TNS1: variants seen among roughly 807,000 people sequenced by gnomAD.
TNS1 encodes the protein tensin-1.
Under a neutral mutation model 168.6 loss-of-function variants are expected in TNS1, and 62 were observed. The ratio of observed to expected loss-of-function variants is 0.37; its 90% CI spans 0.30 to 0.45. TNS1 has a LOEUF of 0.45. Among genes scored for constraint, TNS1 ranks in the 20% least tolerant of loss-of-function variants. TNS1 has a pLI of 1.00. For synonymous variants in TNS1, 934 were observed against 933.2 expected (o/e 1.00, Z -0.02); for missense variants, 2,240 against 2,339.4 (o/e 0.96, Z 0.88).
intron 3 of TNS1, among the ~76,000 whole-genome samples, chr2:217,946,969 T>TCTCTCTCACACA (rs1553618866): frequency 1.7e-5 from 2 of 118,812 alleles, no homozygotes; most frequent in African/African-American, 8.2e-5. Context: ...TCTCTCTCTC[T>TCTCTCTCACACA]CACACACACA....
intron 22 of TNS1, among the ~76,000 whole-genome samples, chr2:217,824,053 A>C (rs1442841444): frequency 1.3e-5 from 2 of 152,234 alleles, no homozygotes; most frequent in Non-Finnish European, 2.9e-5. Context: ...TAAATATCTT[A>C]GGCTGGTGGG....
intron 4 of TNS1, among the ~76,000 whole-genome samples, chr2:217,918,754 G>A (rs73078355): frequency 0.033 from 3,272 of 97,762 alleles, 105 homozygotes; most frequent in African/African-American, 0.11. Flanking sequence ...ACCCCTCCCC[G>A]CCCGCCCTCC....
At chr2:217,906,418 A>G in intron 5 of TNS1, 33 bp from the exon 6 acceptor site, 2 of 702,642 alleles carry the variant, frequency 2.8e-6, no homozygotes, top group Non-Finnish European at 2.6e-6. Flanking sequence ...CAGAGAGGGG[A>G]GGCAAGAAAA....
intron 3 of TNS1, among the ~76,000 whole-genome samples, chr2:217,967,479 A>C (rs2126019648): frequency 6.6e-6 from 1 of 152,296 alleles, no homozygotes; most frequent in Non-Finnish European, 1.5e-5. Context: ...CTCAAATCAC[A>C]AGTGAAAGAG....
At chr2:217,895,346 G>A (rs548193031) in intron 8 of TNS1, among the ~76,000 whole-genome samples, 4 of 152,276 alleles carry the variant, frequency 2.6e-5, no homozygotes, top group African/African-American at 7.2e-5. Flanking sequence ...CAGACACACC[G>A]TCACGAAGAG....
intron 21 of TNS1, among the ~76,000 whole-genome samples, chr2:217,832,863 C>T (rs1443215230): frequency 1.3e-5 from 2 of 152,058 alleles, no homozygotes. Flanking sequence ...AAACATACAC[C>T]TCCAGGTATG....
chr2:217,879,768 A>G (rs573856688), intron 18 of TNS1, among the ~76,000 whole-genome samples: 39 of 152,328 alleles, frequency 2.6e-4, no homozygotes, highest in African/African-American at 5.5e-4. Flanking sequence ...GGAGGGAGAC[A>G]GAAGACAGCG....
At chr2:217,847,486 G>A (rs748900421) in intron 19 of TNS1, 24 bp downstream of exon 19, 17 of 1,401,644 alleles carry the variant, frequency 1.2e-5, no homozygotes, top group Middle Eastern at 1.9e-4. Flanking sequence ...GGGGTAGAAG[G>A]AGTCAGGACT....
chr2:217,808,356 T>C lies in TNS1; in HGVS notation c.5342+247A>G, dbSNP rs532438641. On this transcript the variant is annotated intron_variant, in intron 31 of 32. Coordinates refer to ENST00000682258, the MANE Select transcript of TNS1 (RefSeq NM_001387777.1). ...CCCCATCATGGAGAGGAGAAGCAGATTCAAGGTCAGGGCATGGCAGAGGGG... is the reference window on the plus strand; with the variant it reads ...CCCCATCATGGAGAGGAGAAGCAGACTCAAGGTCAGGGCATGGCAGAGGGG... Among the ~76,000 whole-genome samples the C allele has an allele frequency of 7.2e-5, 11 of 152,116 alleles. No individual in the cohort carries two copies. The South Asian group carries it at 2.3e-3, about 32-fold the overall frequency.
intron 18 of TNS1, among the ~76,000 whole-genome samples, chr2:217,854,408 T>C (rs1559244036): frequency 6.6e-6 from 1 of 152,206 alleles, no homozygotes. Flanking sequence ...AATGAGTTAC[T>C]AAGGTTTTCA....
Position 217,800,857 on chromosome 2 carries a change from T to C in TNS1, c.*3602A>G, listed in dbSNP as rs1937381432. ...TTTGATCACACTCACCACCCTTCTG[T>C]GCCCCCTGGACAGCATGCTCCCCTG... On this transcript the variant is annotated 3_prime_UTR_variant, in exon 33 of 33. Transcript: ENST00000682258. 6.6e-6 allele frequency: 1 copy of C among 152,170 alleles called. No individual in the cohort carries two copies. The highest frequency in any genetic ancestry group is 1.5e-5 in the Non-Finnish European group (1 of 68,056). The allele number at this position is 152,170 out of a possible 1,614,324, so 9.4% of individuals were successfully genotyped here. A position where few individuals can be genotyped will look rare whatever the true frequency, so the allele number is the denominator to read the frequency against.
chr2:217,837,212 G>GTGCACACACAC (rs542340387), intron 19 of TNS1, among the ~76,000 whole-genome samples: 2 of 152,132 alleles, frequency 1.3e-5, no homozygotes, highest in East Asian at 3.9e-4. Context: ...GTCAGCGTGT[G>GTGCACACACAC]TGCACACACA....
intron 3 of TNS1, among the ~76,000 whole-genome samples, chr2:217,922,581 G>A (rs1402489635): frequency 6.6e-6 from 1 of 152,206 alleles, no homozygotes; most frequent in Non-Finnish European, 1.5e-5. Flanking sequence ...GATTGGAAAA[G>A]GGAGGGAGGG....
intron 2 of TNS1, among the ~76,000 whole-genome samples, chr2:217,984,624 G>T (rs538601396): frequency 4.6e-4 from 69 of 151,446 alleles, no homozygotes; most frequent in African/African-American, 1.6e-3. Flanking sequence ...GAGTATCTGG[G>T]ACTACAGGTG....
At chr2:217,873,321 T>C (rs1454482029) in intron 18 of TNS1, among the ~76,000 whole-genome samples, 4 of 152,078 alleles carry the variant, frequency 2.6e-5, no homozygotes, top group Admixed American at 2.6e-4. Context: ...AAGTGGAAGA[T>C]TGTAAGAGGA....
chr2:217,811,738 G>A lies in TNS1; in HGVS notation c.5032+630C>T, dbSNP rs546660940. Among the ~76,000 whole-genome samples the A allele has an allele frequency of 1.8e-4, 28 of 152,252 alleles. 2 individuals carry two copies. In the South Asian group the frequency reaches 5.6e-3, roughly 30 times the overall value. On this transcript the variant is annotated intron_variant, in intron 28 of 32. Transcript: ENST00000682258. ...CGCTCCAGGGCTGATGCGCCTCCAT[G>A]AGAGAAGCTAAACACTCCTTCCCTA... is the stretch of plus-strand genomic sequence containing the variant.
chr2:217,873,216 A>C (rs1949924719), intron 18 of TNS1, among the ~76,000 whole-genome samples: 1 of 152,258 alleles, frequency 6.6e-6, no homozygotes, highest in South Asian at 2.1e-4. Flanking sequence ...GTTTTTAAAA[A>C]GAGAGTGATG....
chr2:218,009,058 G>A (rs979989473), intron 1 of TNS1, among the ~76,000 whole-genome samples: 9 of 152,194 alleles, frequency 5.9e-5, no homozygotes, highest in African/African-American at 2.2e-4. Context: ...CTAGCCTAAG[G>A]TCTACAGCTG....
rs537421911 is a variant in TNS1, at chr2:218,030,997, AGT to A, written c.156+2821_156+2822del. ...AACTGTGTGTATGAGTGTATGTATG[AGT>A]GTGAGTGTGGGAGTGTATGTGTGTA... On this transcript the variant is annotated intron_variant, in intron 1 of 1. Coordinates refer to the TNS1 transcript ENST00000649572. Among the ~76,000 whole-genome samples, 13 of 149,256 alleles carry A rather than the reference AGT, an allele frequency of 8.7e-5. No homozygotes were observed. In the East Asian group the frequency reaches 2.4e-3, roughly 28 times the overall value.
Sources: gnomAD v4.1 joint callset for allele counts (sites outside exome capture counted in the v4.1 genomes callset) on GRCh38, gnomAD v4.1.1 for gene constraint, MANE v1.5 for transcripts, NCBI Gene and HGNC (gene_info 2026-07-23, HGNC 2026-07-21) for gene names.